The following MCF2L variants were observed in gnomAD, a reference collection of about 807,000 sequenced individuals.
MCF2L encodes the protein guanine nucleotide exchange factor DBS.
MCF2L carries 97 observed loss-of-function variants against 153.4 expected under a neutral mutation model. That is an observed-to-expected ratio of 0.63 (90% CI 0.54 to 0.75). The LOEUF (loss-of-function observed/expected upper bound fraction) is 0.75, where lower values mean the gene tolerates loss of function less well. MCF2L is among the 30% of genes least tolerant of loss of function. The pLI, the probability that MCF2L is intolerant of heterozygous loss-of-function variation, is 0.00. For synonymous variants in MCF2L, 659 were observed against 632.2 expected, an observed-to-expected ratio of 1.04 and a Z score of -0.64; for missense variants, 1,347 against 1,495.2, an observed-to-expected ratio of 0.90 and a Z score of 1.64.
chr13:113,012,548 TGAG>T lies in MCF2L; in HGVS notation c.80-2212_80-2210del, dbSNP rs981533731. 3.6e-5 allele frequency among the ~76,000 whole-genome samples: 4 copies of T among 111,688 alleles called. 1 individual carries two copies. The highest frequency in any genetic ancestry group is 7.8e-5 in the Non-Finnish European group (4 of 51,190). The allele number at this position is 111,688 out of a possible 152,430, so 73.3% of individuals were successfully genotyped here. ...GCAATGAGGACGGTGGACACTGCGA[TGAG>T]GACAGTGGACAGGTGGTGTGGACGG... On this transcript the variant is annotated intron_variant, in intron 1 of 29. Transcript: ENST00000535094.
At chr13:112,998,939 G>A (rs1274705918) in intron 1 of MCF2L, among the ~76,000 whole-genome samples, 1 of 152,216 alleles carries the variant, frequency 6.6e-6, no homozygotes, top group Non-Finnish European at 1.5e-5. Flanking sequence ...AGAGCTGTGG[G>A]TGGGGAGCCC....
rs1219168267 is a variant in MCF2L, at chr13:113,081,196, A to G, written c.1809-17A>G. 1.3e-6 allele frequency: 2 copies of G among 1,571,810 alleles called. No homozygotes were observed. The highest frequency in any genetic ancestry group is 1.9e-5 in the Admixed American group (1 of 52,724). ...CCAGTGCTAACCTTTTTTGCTCTCC[A>G]CATGACCTGCCACCAGGCACGTGAT... is the stretch of plus-strand genomic sequence containing the variant. On this transcript the variant is annotated splice_polypyrimidine_tract_variant and intron_variant, in intron 15 of 29. Transcript: ENST00000535094.
chr13:113,047,735 T>C, intron 4 of MCF2L, among the ~76,000 whole-genome samples: 1 of 152,192 alleles, frequency 6.6e-6, no homozygotes, highest in South Asian at 2.1e-4. Context: ...CCACAGCCCG[T>C]CCCTCACACG....
At chr13:113,052,897 A>C (rs762185171) in intron 4 of MCF2L, 3 of 152,140 alleles carry the variant, frequency 2.0e-5, no homozygotes, top group Non-Finnish European at 4.4e-5. Flanking sequence ...ACATATACCC[A>C]CACATACATC....
intron 27 of MCF2L, chr13:113,095,120 C>G: frequency 7.5e-7 from 1 of 1,337,324 alleles, no homozygotes; most frequent in Non-Finnish European, 9.9e-7. Flanking sequence ...AATGGAACTG[C>G]TAAGCATGGA....
chr13:113,009,073 C>G (rs902836845), intron 1 of MCF2L: 1 of 152,302 alleles, frequency 6.6e-6, no homozygotes, highest in Non-Finnish European at 1.5e-5. Context: ...TCCTCCCTGC[C>G]CGAGGCGCAA....
chr13:113,065,094 G>A lies in MCF2L; in HGVS notation c.756+9G>A. The A allele has an allele frequency of 1.9e-6, 3 of 1,610,390 alleles. No individual in the cohort carries two copies. The highest frequency in any genetic ancestry group is 1.1e-5 in the South Asian group (1 of 90,912). On this transcript the variant is annotated intron_variant, in intron 7 of 29. Transcript: ENST00000535094. ...AGAAGGACAAGGCGAAGGTACATGG[G>A]GGGTGCTCCGGCTGGAAGCTGTGGG...
chr13:113,060,549 T>G (rs777540832), intron 4 of MCF2L, 44 bp from the exon 5 acceptor site: 2 of 1,604,786 alleles, frequency 1.2e-6, no homozygotes, highest in African/African-American at 2.7e-5. Flanking sequence ...GGCTGCTGTC[T>G]GCAGAGCACG....
intron 1 of MCF2L, among the ~76,000 whole-genome samples, chr13:112,898,333 G>A (rs2081087536): frequency 6.6e-6 from 1 of 152,208 alleles, no homozygotes; most frequent in Admixed American, 6.5e-5. Context: ...CTCTACCCGA[G>A]CTGGTTGCGG....
At chr13:113,073,100 G>A (rs2033086281) in intron 9 of MCF2L, among the ~76,000 whole-genome samples, 1 of 130,086 alleles carries the variant, frequency 7.7e-6, no homozygotes, top group Non-Finnish European at 1.6e-5. Flanking sequence ...AATGTATGTT[G>A]TTTGGCTTCC....
At chr13:112,908,867 AG>A (rs2081200461) in intron 2 of MCF2L, among the ~76,000 whole-genome samples, 1 of 151,958 alleles carries the variant, frequency 6.6e-6, no homozygotes, top group African/African-American at 2.4e-5. Flanking sequence ...CTGGGACTAC[AG>A]ATGCACGCCA....
intron 1 of MCF2L, among the ~76,000 whole-genome samples, chr13:112,897,190 C>T (rs2081075639): frequency 6.6e-6 from 1 of 152,220 alleles, no homozygotes; most frequent in South Asian, 2.1e-4. Flanking sequence ...AAAGCTACAT[C>T]ATGAGGGTCG....
chr13:112,965,466 C>T (rs1039479757), upstream of MCF2L: 1 of 152,266 alleles, frequency 6.6e-6, no homozygotes, highest in African/African-American at 2.4e-5. Context: ...GGGGCCACGG[C>T]TCCAGTGCAT....
At chr13:113,083,948 C>T (rs981899104) in intron 17 of MCF2L, 50 bp from the exon 18 acceptor site, 8 of 1,334,540 alleles carry the variant, frequency 6.0e-6, no homozygotes, top group African/African-American at 2.9e-5. Context: ...GTCACTGGTC[C>T]ACGTGACTCG....
intron 1 of MCF2L, among the ~76,000 whole-genome samples, chr13:112,994,718 C>T (rs1455501874): frequency 1.3e-5 from 2 of 152,198 alleles, no homozygotes; most frequent in Non-Finnish European, 2.9e-5. Context: ...TCCTCCCGGG[C>T]ACAGGCTCTC....
rs1292161253 is a variant in MCF2L, at chr13:113,045,213, G to A, written c.279-58G>A. On this transcript the variant is annotated intron_variant, in intron 3 of 29. Transcript: ENST00000535094. This position sits in a 1 kb window ranked among gnomAD's most constrained non-coding sequence, Gnocchi z 4.2. Reference sequence around the variant, plus strand: ...CCCAAGAGGTTTTCTGAGGGATTTCGTGGGCAGCCGGCTTCCCACCTGCAC... The same window carrying A: ...CCCAAGAGGTTTTCTGAGGGATTTCATGGGCAGCCGGCTTCCCACCTGCAC... 3.6e-6 allele frequency: 5 copies of A among 1,374,570 alleles called. No individual in the cohort carries two copies. The highest frequency in any genetic ancestry group is 4.6e-5 in the East Asian group (2 of 43,478). The allele number at this position is 1,374,570 out of a possible 1,614,324, so 85.1% of individuals were successfully genotyped here.
intron 2 of MCF2L, among the ~76,000 whole-genome samples, chr13:112,921,258 C>T (rs1028731839): frequency 2.0e-5 from 3 of 152,162 alleles, no homozygotes; most frequent in Middle Eastern, 6.8e-3. Flanking sequence ...AATAGAAGGA[C>T]GAATAGGGCA....
chr13:113,066,721 C>T (rs1333922656), intron 8 of MCF2L, among the ~76,000 whole-genome samples: 2 of 151,822 alleles, frequency 1.3e-5, no homozygotes, highest in African/African-American at 2.4e-5. Flanking sequence ...CCCGAGCCTC[C>T]CCCCGTCCCA....
chr13:113,080,298 C>T (rs1004383525), intron 15 of MCF2L, among the ~76,000 whole-genome samples: 33 of 151,666 alleles, frequency 2.2e-4, no homozygotes, highest in Admixed American at 2.2e-3. Flanking sequence ...AGTGTCCATA[C>T]GGAGGAGGGT....
Sources: allele counts gnomAD v4.1 joint callset (sites outside exome capture counted in the v4.1 genomes callset), GRCh38; gene constraint gnomAD v4.1.1; non-coding constraint Gnocchi (gnomAD v3.1); transcripts MANE v1.5; gene names NCBI Gene and HGNC (gene_info 2026-07-23, HGNC 2026-07-21).